KANSL1: variants seen among roughly 807,000 people sequenced by gnomAD.
KANSL1 encodes KAT8 regulatory NSL complex subunit 1.
KANSL1 carries 22 observed loss-of-function variants against 103.6 expected under a neutral mutation model. The observed-to-expected ratio is 0.21, with a 90% CI of 0.15 to 0.30. The LOEUF is 0.30. Ranked by LOEUF, KANSL1 falls within the 10% of genes least tolerant of loss-of-function variation. The pLI, the probability that KANSL1 is intolerant of heterozygous loss-of-function variation, is 1.00. For missense variants in KANSL1, 1,337 were observed against 1,399.8 expected (o/e 0.96, Z 0.72); for synonymous variants, 600 against 527.6 (o/e 1.14, Z -1.88).
intron 4 of KANSL1, among the ~76,000 whole-genome samples, chr17:46,074,250 AT>A (rs2078679512): frequency 6.6e-6 from 1 of 152,208 alleles, no homozygotes; most frequent in Non-Finnish European, 1.5e-5. Flanking sequence ...AGAGCGCCCA[AT>A]ACCCAAAGTT....
At chr17:46,102,565 C>T (rs1311551639) in intron 2 of KANSL1, among the ~76,000 whole-genome samples, 4 of 152,170 alleles carry the variant, frequency 2.6e-5, no homozygotes, top group Non-Finnish European at 5.9e-5. Context: ...GCCAATTCTA[C>T]CTAAACTGCC....
intron 2 of KANSL1, among the ~76,000 whole-genome samples, chr17:46,131,370 TTTACA>T (rs1478367007): frequency 6.6e-6 from 1 of 152,226 alleles, no homozygotes; most frequent in Non-Finnish European, 1.5e-5. Context: ...TCATTTCAAA[TTTACA>T]TTAAAGTTCA....
chr17:46,098,172 C>T (rs1213598504), intron 2 of KANSL1, among the ~76,000 whole-genome samples: 2 of 150,054 alleles, frequency 1.3e-5, no homozygotes, highest in Non-Finnish European at 2.9e-5. Flanking sequence ...AAAATGCCCC[C>T]TACCCACAAA....
chr17:46,178,125 A>G (rs1270196762), intron 1 of KANSL1, among the ~76,000 whole-genome samples: 1 of 152,188 alleles, frequency 6.6e-6, no homozygotes, highest in Non-Finnish European at 1.5e-5. Context: ...AATGATTCCT[A>G]TCCCACTTGA....
At chr17:46,072,878 A>G (rs2078627875) in intron 4 of KANSL1, among the ~76,000 whole-genome samples, 1 of 152,240 alleles carries the variant, frequency 6.6e-6, no homozygotes, top group African/African-American at 2.4e-5. Context: ...CCTAAGATTT[A>G]TGTTTACCAA....
chr17:46,048,431 G>A (rs760263819), intron 7 of KANSL1, among the ~76,000 whole-genome samples: 11 of 151,934 alleles, frequency 7.2e-5, no homozygotes, highest in East Asian at 1.9e-4. Context: ...TTAGCCAGGC[G>A]TGGTGGCATA....
intron 2 of KANSL1, among the ~76,000 whole-genome samples, chr17:46,095,094 AAAG>A (rs1286111620): frequency 1.8e-4 from 28 of 152,126 alleles, no homozygotes; most frequent in African/African-American, 5.1e-4. Flanking sequence ...AGTGTTCAGT[AAAG>A]AATATTTAAA....
At chr17:46,173,268 G>GA (rs1403848902) in intron 1 of KANSL1, among the ~76,000 whole-genome samples, 1 of 152,178 alleles carries the variant, frequency 6.6e-6, no homozygotes, top group African/African-American at 2.4e-5. Flanking sequence ...TTAACCATAA[G>GA]AAAAACTTCT....
At chr17:46,191,798 A>G (rs2047339007) in intron 1 of KANSL1, among the ~76,000 whole-genome samples, 1 of 152,198 alleles carries the variant, frequency 6.6e-6, no homozygotes, top group African/African-American at 2.4e-5. Flanking sequence ...GACAAAGGAG[A>G]TGGCAACACC....
intron 2 of KANSL1, among the ~76,000 whole-genome samples, chr17:46,151,639 T>C (rs983399123): frequency 3.9e-5 from 6 of 152,260 alleles, no homozygotes; most frequent in Non-Finnish European, 7.3e-5. Context: ...ACTAAAATCA[T>C]GCCTGGAACA....
chr17:46,053,121 C>T (rs1196493257), intron 6 of KANSL1, among the ~76,000 whole-genome samples: 1 of 151,392 alleles, frequency 6.6e-6, no homozygotes, highest in Non-Finnish European at 1.5e-5. Flanking sequence ...AACCCCGTCT[C>T]TACTAAAAAT....
chr17:46,116,346 C>T (rs894548929), intron 2 of KANSL1, among the ~76,000 whole-genome samples: 2 of 152,082 alleles, frequency 1.3e-5, no homozygotes, highest in Admixed American at 6.5e-5. Flanking sequence ...CTGGCTAACA[C>T]GGTGAAACCC....
In KANSL1 at chr17:46,171,780, C is replaced by T. The variant is rs1166675460; in HGVS notation, c.364G>A (p.Ala122Thr). ...PLLSQSYELR[A>T]ELLGRQPVLE... ...ACTGGCTGTCTCCCCAACAGCTCAG[C>T]TCGGAGTTCATAGGACTGAGATAAG... The change falls in exon 2 of 15, where the codon GCT (alanine) becomes ACT (threonine). Residue 122 changes from alanine to threonine, a missense_variant. By Grantham distance (58) the Ala-to-Thr change is moderately conservative (BLOSUM62 0). This residue lies in a region of KANSL1 where 557 missense variants were observed against 476.4 expected (regional missense o/e 1.17). Coordinates refer to ENST00000432791, the MANE Select transcript of KANSL1 (RefSeq NM_015443.4). 6.2e-7 allele frequency: 1 copy of T among 1,610,634 alleles called. No individual in the cohort carries two copies. Among genetic ancestry groups the T allele is most frequent in the Admixed American group, 1.7e-5 (1 of 59,366 alleles).
intron 2 of KANSL1, among the ~76,000 whole-genome samples, chr17:46,123,895 G>A (rs2043396368): frequency 6.6e-6 from 1 of 152,234 alleles, no homozygotes; most frequent in Non-Finnish European, 1.5e-5. Context: ...TGTCAGCAAT[G>A]TAGAAAAAAC....
intron 2 of KANSL1, among the ~76,000 whole-genome samples, chr17:46,127,843 G>A (rs2043650703): frequency 1.3e-5 from 2 of 152,108 alleles, no homozygotes; most frequent in African/African-American, 4.8e-5. Flanking sequence ...TCTTCAATGT[G>A]ATAAAGCATT....
At chr17:46,213,975 CCCTG>C (rs1392784590) in intron 1 of KANSL1, among the ~76,000 whole-genome samples, 1 of 152,042 alleles carries the variant, frequency 6.6e-6, no homozygotes, top group African/African-American at 2.4e-5. Context: ...AAAATCAATT[CCCTG>C]CCAAATATAC....
At chr17:46,058,733 ACACACACACACTCTCTCT>A (rs1477459061) in intron 6 of KANSL1, among the ~76,000 whole-genome samples, 2,836 of 60,548 alleles carry the variant, frequency 0.047, 132 homozygotes, top group Admixed American at 0.18. Context: ...ACACACACAC[ACACACACACACTCTCTCT>A]CTCTCTCTCT....
chr17:46,107,555 T>C (rs1453067737), intron 2 of KANSL1, among the ~76,000 whole-genome samples: 1 of 152,248 alleles, frequency 6.6e-6, no homozygotes, highest in Non-Finnish European at 1.5e-5. Context: ...TAAGACTGCA[T>C]ATGCGAAATC....
intron 1 of KANSL1, among the ~76,000 whole-genome samples, chr17:46,200,211 A>G (rs1156922319): frequency 6.6e-6 from 1 of 152,244 alleles, no homozygotes; most frequent in Non-Finnish European, 1.5e-5. Flanking sequence ...AGATTAAGCA[A>G]TCTACGCAGG....
Sources: allele counts gnomAD v4.1 joint callset (sites outside exome capture counted in the v4.1 genomes callset), GRCh38; gene constraint gnomAD v4.1.1; regional missense constraint gnomAD v4.1.1; transcripts MANE v1.5; gene names NCBI Gene and HGNC (gene_info 2026-07-23, HGNC 2026-07-21).